The following SDK1 variants were observed in gnomAD, a reference collection of about 807,000 sequenced individuals.
SDK1 encodes the protein sidekick cell adhesion molecule 1, also known as protein sidekick-1.
A neutral mutation model predicts 245.5 loss-of-function variants in SDK1; 157 were observed. The ratio of observed to expected loss-of-function variants is 0.64; its 90% CI spans 0.56 to 0.73. The LOEUF is 0.73. SDK1 is among the 30% of genes least tolerant of loss of function. SDK1 has a pLI of 0.00. For synonymous variants in SDK1, 1,647 were observed against 1,278.5 expected (o/e 1.29, Z -6.15); for missense variants, 3,583 against 3,002.3 (o/e 1.19, Z -4.52).
At chr7:3,675,251 T>C (rs1562648317) in intron 4 of SDK1, among the ~76,000 whole-genome samples, 1 of 152,200 alleles carries the variant, frequency 6.6e-6, no homozygotes, top group African/African-American at 2.4e-5. Flanking sequence ...ACCTGTTAGC[T>C]TTCCTTTCAA....
At chr7:3,762,040 A>G (rs2114990589) in intron 4 of SDK1, among the ~76,000 whole-genome samples, 1 of 152,338 alleles carries the variant, frequency 6.6e-6, no homozygotes, top group East Asian at 1.9e-4. Context: ...ATCTGAGCAT[A>G]TCTTTAACCA....
intron 5 of SDK1, among the ~76,000 whole-genome samples, chr7:3,875,257 T>C (rs929434850): frequency 7.2e-5 from 11 of 152,190 alleles, no homozygotes; most frequent in South Asian, 2.1e-4. Context: ...GAAAAGTCAT[T>C]AGTCTGCACT....
At chr7:3,322,626 C>G (rs2128547929) in intron 1 of SDK1, among the ~76,000 whole-genome samples, 1 of 152,244 alleles carries the variant, frequency 6.6e-6, no homozygotes, top group South Asian at 2.1e-4. Context: ...AGATTGTTGC[C>G]TACACTTACT....
chr7:3,875,009 C>T (rs1173841771), intron 5 of SDK1, among the ~76,000 whole-genome samples: 1 of 152,120 alleles, frequency 6.6e-6, no homozygotes, highest in Non-Finnish European at 1.5e-5. Context: ...GGCTCTTAAC[C>T]CCTTTATGTC....
intron 17 of SDK1, among the ~76,000 whole-genome samples, chr7:4,039,606 A>T (rs1409651199): frequency 3.3e-5 from 5 of 152,174 alleles, no homozygotes; most frequent in Admixed American, 1.3e-4. Context: ...GTTCTGAAAA[A>T]CTCATGAATA....
At chr7:3,441,905 G>C (rs901449526) in intron 1 of SDK1, among the ~76,000 whole-genome samples, 6 of 152,086 alleles carry the variant, frequency 3.9e-5, no homozygotes, top group Non-Finnish European at 7.4e-5. Flanking sequence ...ACTGGGAATT[G>C]GTCTTTTTGC....
At chr7:4,213,446 A>G (rs1406310593) in intron 38 of SDK1, among the ~76,000 whole-genome samples, 3 of 151,710 alleles carry the variant, frequency 2.0e-5, no homozygotes, top group Admixed American at 6.6e-5. Flanking sequence ...TTAGCTGGGC[A>G]TGGTGGCATG....
In SDK1 at chr7:3,839,608, A is replaced by G. The variant is rs1425434796; in HGVS notation, c.847+18025A>G. ...AAAAATAGAAATAAAATTGATGCTGAACACTTTTTCAATTTACCTAGAAGT... is the reference window on the plus strand; with the variant it reads ...AAAAATAGAAATAAAATTGATGCTGGACACTTTTTCAATTTACCTAGAAGT... On this transcript the variant is annotated intron_variant, in intron 5 of 44. Transcript: ENST00000404826. Among the ~76,000 whole-genome samples, 3 of 152,312 alleles carry G rather than the reference A, an allele frequency of 2.0e-5. No homozygotes were observed. The East Asian group carries it at 5.8e-4, about 29-fold the overall frequency.
rs139576316 is a variant in SDK1, at chr7:3,447,738, C to G, written c.298+145854C>G. Among the ~76,000 whole-genome samples, 680 of 132,214 alleles carry G rather than the reference C, an allele frequency of 5.1e-3. 6 individuals are homozygous for G. Among genetic ancestry groups the G allele is most frequent in the African/African-American group, 0.019 (649 of 34,428 alleles). The allele number at this position is 132,214 out of a possible 152,430, so 86.7% of individuals were successfully genotyped here. A position where few individuals can be genotyped will look rare whatever the true frequency, so the allele number is the denominator to read the frequency against. On this transcript the variant is annotated intron_variant, in intron 1 of 44. Coordinates refer to ENST00000404826, the MANE Select transcript of SDK1 (RefSeq NM_152744.4). ...TTTTTTTTTGAGATAGAGTTTCACT[C>G]TCGTTGCCCAGGCTGGAGTGCAATG...
intron 5 of SDK1, among the ~76,000 whole-genome samples, chr7:3,841,413 A>G (rs1254208190): frequency 1.3e-5 from 2 of 152,154 alleles, no homozygotes; most frequent in African/African-American, 2.4e-5. Context: ...TCTGGAGCAA[A>G]ACCATTTGCT....
intron 1 of SDK1, among the ~76,000 whole-genome samples, chr7:3,582,020 C>T (rs142367789): frequency 8.2e-4 from 125 of 151,786 alleles, no homozygotes; most frequent in African/African-American, 2.9e-3. Flanking sequence ...GTAGGCCTGT[C>T]TCAGGTAGAT....
rs749801863 is a variant in SDK1 at position 4,245,835 on chromosome 7, G to C, written c.6381+30G>C. On this transcript the variant is annotated intron_variant, in intron 44 of 44. Coordinates refer to ENST00000404826, the MANE Select transcript of SDK1 (RefSeq NM_152744.4). ...GTGTCGGTGCCTACTTCCGGGCAGT[G>C]ACCATCAGCCCCTACTTCTGCAGTG... 9.9e-5 allele frequency: 160 copies of C among 1,612,652 alleles called. No homozygotes were observed. The South Asian group carries it at 1.7e-3, about 17-fold the overall frequency.
chr7:3,379,429 G>A (rs1297165404), intron 1 of SDK1, among the ~76,000 whole-genome samples: 4 of 152,148 alleles, frequency 2.6e-5, no homozygotes, highest in Non-Finnish European at 5.9e-5. Context: ...GAGATTCCAA[G>A]GAAGAAAAGG....
At chr7:3,361,961 T>C (rs758670270) in intron 1 of SDK1, among the ~76,000 whole-genome samples, 5 of 152,222 alleles carry the variant, frequency 3.3e-5, no homozygotes, top group African/African-American at 1.2e-4. Context: ...CCTCATTTTC[T>C]CCACATTGAG....
At chr7:4,008,189 G>A (rs1012725944) in intron 14 of SDK1, among the ~76,000 whole-genome samples, 1 of 152,150 alleles carries the variant, frequency 6.6e-6, no homozygotes, top group Non-Finnish European at 1.5e-5. Context: ...TGTCCTCAAG[G>A]TTCATCCATG....
chr7:3,489,393 TTGC>T (rs1278607842), intron 1 of SDK1, among the ~76,000 whole-genome samples: 1 of 152,248 alleles, frequency 6.6e-6, no homozygotes, highest in Non-Finnish European at 1.5e-5. Context: ...AAATAAGTAA[TTGC>T]TGCAGCGCTG....
intron 1 of SDK1, among the ~76,000 whole-genome samples, chr7:3,571,986 A>T (rs911167650): frequency 6.6e-6 from 1 of 152,028 alleles, no homozygotes; most frequent in African/African-American, 2.4e-5. Flanking sequence ...GTTAGGAAAA[A>T]TTTTAAAATC....
intron 1 of SDK1, among the ~76,000 whole-genome samples, chr7:3,611,274 A>G (rs1201733395): frequency 1.3e-5 from 2 of 152,228 alleles, no homozygotes; most frequent in Non-Finnish European, 2.9e-5. Flanking sequence ...CTGTGATAAT[A>G]GAGCCAACTC....
At chr7:3,687,169 C>G (rs978404059) in intron 4 of SDK1, among the ~76,000 whole-genome samples, 1 of 117,960 alleles carries the variant, frequency 8.5e-6, no homozygotes, top group African/African-American at 3.1e-5. Context: ...AGTCTGTACA[C>G]AAATGTTCTT....
Sources: gnomAD v4.1 joint callset for allele counts (sites outside exome capture counted in the v4.1 genomes callset) on GRCh38, gnomAD v4.1.1 for gene constraint, MANE v1.5 for transcripts, NCBI Gene and HGNC (gene_info 2026-07-23, HGNC 2026-07-21) for gene names.